Variants in RIT2 observed in about 807,000 individuals in gnomAD.
RIT2 encodes the protein Ras like without CAAX 2, also known as GTP-binding protein Rit2.
Under a neutral mutation model 23.7 loss-of-function variants are expected in RIT2, and 24 were observed. That is an observed-to-expected ratio of 1.01 (90% CI 0.73 to 1.43). The LOEUF (loss-of-function observed/expected upper bound fraction) is 1.43, where lower values mean the gene tolerates loss of function less well. RIT2 is among the 40% of genes most tolerant of loss of function. The pLI is 0.00. For missense variants in RIT2, 236 were observed against 266.9 expected (o/e 0.88, Z 0.81); for synonymous variants, 107 against 91.1 (o/e 1.17, Z -0.99).
Position 42,743,721 on chromosome 18 carries a change from CT to C in RIT2, c.427-2del. 2 of 1,592,290 alleles carry C rather than the reference CT, an allele frequency of 1.3e-6. No individual in the cohort carries two copies. The highest frequency in any genetic ancestry group is 8.6e-7 in the Non-Finnish European group (1 of 1,168,754). ...GACTCAAGCCTTCTTCTGTAGAAAC[CT>C]AAGGAAAAAACAAATAATATTAAAA... On this transcript the variant is annotated splice_acceptor_variant, in intron 4 of 4. Coordinates refer to ENST00000326695, the MANE Select transcript of RIT2 (RefSeq NM_002930.4). LOFTEE classifies it high-confidence loss of function.
intron 4 of RIT2, among the ~76,000 whole-genome samples, chr18:42,781,801 G>A (rs1195210863): frequency 2.0e-5 from 3 of 152,142 alleles, no homozygotes; most frequent in Non-Finnish European, 2.9e-5. Context: ...AGAATAATGC[G>A]AACTTAAATG....
intron 1 of RIT2, among the ~76,000 whole-genome samples, chr18:43,052,907 C>A (rs895960563): frequency 3.9e-5 from 6 of 151,986 alleles, no homozygotes; most frequent in African/African-American, 1.4e-4. Context: ...CCAGTAAAGG[C>A]ACATTGCATA....
At chr18:42,890,472 G>A (rs1023556218) in intron 4 of RIT2, among the ~76,000 whole-genome samples, 3 of 139,694 alleles carry the variant, frequency 2.1e-5, no homozygotes, top group African/African-American at 7.7e-5. Context: ...CAGAAGGAAA[G>A]AAGGAAAAGA....
intron 2 of RIT2, among the ~76,000 whole-genome samples, chr18:43,002,345 G>A (rs1422116423): frequency 2.6e-5 from 4 of 151,850 alleles, no homozygotes; most frequent in African/African-American, 9.7e-5. Context: ...CAGGTTGAGG[G>A]TGGGTCTGCC....
At chr18:42,770,208 G>A (rs1598646866) in intron 4 of RIT2, among the ~76,000 whole-genome samples, 1 of 152,280 alleles carries the variant, frequency 6.6e-6, no homozygotes, top group East Asian at 1.9e-4. Flanking sequence ...TGAATGACAA[G>A]CTAACATAAC....
chr18:42,970,542 C>T (rs1287747255), intron 3 of RIT2, among the ~76,000 whole-genome samples: 2 of 151,916 alleles, frequency 1.3e-5, no homozygotes, highest in African/African-American at 2.4e-5. Context: ...ACCTCAAAAG[C>T]AGAAAGGTCT....
chr18:42,925,682 C>T (rs1909162060), intron 3 of RIT2, among the ~76,000 whole-genome samples: 1 of 151,506 alleles, frequency 6.6e-6, no homozygotes, highest in Admixed American at 6.6e-5. Context: ...ATTTAGTTTT[C>T]TTCTCACCTC....
intron 1 of RIT2, among the ~76,000 whole-genome samples, chr18:43,096,953 G>A (rs188153104): frequency 7.9e-5 from 12 of 151,980 alleles, no homozygotes; most frequent in Admixed American, 4.6e-4. Flanking sequence ...GGGATAAAGA[G>A]CTTCATTCTT....
intron 1 of RIT2, among the ~76,000 whole-genome samples, chr18:43,056,641 C>G (rs1246811123): frequency 2.0e-5 from 3 of 152,072 alleles, no homozygotes; most frequent in South Asian, 4.1e-4. Flanking sequence ...AGAAATAAAT[C>G]ATAAAGGTCG....
At chr18:42,950,878 G>A (rs560221500) in intron 3 of RIT2, among the ~76,000 whole-genome samples, 2 of 147,292 alleles carry the variant, frequency 1.4e-5, no homozygotes. Context: ...ACACCAGTCA[G>A]AATGGCTATT....
At chr18:42,745,433 C>T (rs1912895079) in intron 4 of RIT2, among the ~76,000 whole-genome samples, 1 of 152,074 alleles carries the variant, frequency 6.6e-6, no homozygotes, top group African/African-American at 2.4e-5. Flanking sequence ...CTATCTGATC[C>T]CAAAGACAGC....
intron 4 of RIT2, among the ~76,000 whole-genome samples, chr18:42,883,921 C>T (rs1284624640): frequency 6.6e-6 from 1 of 152,084 alleles, no homozygotes; most frequent in Non-Finnish European, 1.5e-5. Context: ...GTCTTTTTTG[C>T]CATGTGTAAT....
intron 4 of RIT2, among the ~76,000 whole-genome samples, chr18:42,892,891 C>T (rs2144096262): frequency 6.6e-6 from 1 of 152,246 alleles, no homozygotes; most frequent in Middle Eastern, 3.4e-3. Context: ...GTTAGGTCTA[C>T]TGAAGTGAAA....
intron 1 of RIT2, among the ~76,000 whole-genome samples, chr18:43,057,709 A>G (rs1337748516): frequency 6.6e-6 from 1 of 151,890 alleles, no homozygotes; most frequent in African/African-American, 2.4e-5. Flanking sequence ...ATAGTTTTCC[A>G]TATTCCACCC....
intron 4 of RIT2, among the ~76,000 whole-genome samples, chr18:42,820,614 G>C (rs145532184): frequency 6.6e-6 from 1 of 152,082 alleles, no homozygotes; most frequent in South Asian, 2.1e-4. Flanking sequence ...CTTCGCCCTT[G>C]TACTGAAAGT....
intron 2 of RIT2, among the ~76,000 whole-genome samples, chr18:43,021,313 C>A (rs1042217012): frequency 2.6e-5 from 4 of 151,924 alleles, no homozygotes; most frequent in African/African-American, 9.7e-5. Flanking sequence ...CAGGGAAGTG[C>A]AAATTAAAAC....
At chr18:42,890,460 CACAGAAGG>C (rs1908141310) in intron 4 of RIT2, among the ~76,000 whole-genome samples, 7 of 139,472 alleles carry the variant, frequency 5.0e-5, no homozygotes, top group Admixed American at 4.3e-4. Flanking sequence ...CTTTAAATGC[CACAGAAGG>C]AAAGAAGGAA....
At chr18:42,819,524 G>T (rs1906090738) in intron 4 of RIT2, among the ~76,000 whole-genome samples, 1 of 151,812 alleles carries the variant, frequency 6.6e-6, no homozygotes, top group African/African-American at 2.4e-5. Context: ...CCAGCAAAGT[G>T]GGTTTTATTG....
rs1391148226 is a variant in RIT2 at position 42,782,889 on chromosome 18, C to T, written c.427-39169G>A. 3.3e-5 allele frequency among the ~76,000 whole-genome samples: 5 copies of T among 151,996 alleles called. No individual in the cohort carries two copies. The South Asian group carries it at 8.3e-4, about 25-fold the overall frequency. ...TTAAGTGCCAGAGACAGGCAAAGAA[C>T]AAGCAAGATCATTACTAGGGAGTCT... On this transcript the variant is annotated intron_variant, in intron 4 of 4. Transcript: ENST00000326695.
Sources: gnomAD v4.1 joint callset for allele counts (sites outside exome capture counted in the v4.1 genomes callset) on GRCh38, gnomAD v4.1.1 for gene constraint, MANE v1.5 for transcripts, NCBI Gene and HGNC (gene_info 2026-07-23, HGNC 2026-07-21) for gene names.